NEK7: variants seen among roughly 807,000 people sequenced by gnomAD.
NEK7 encodes NIMA related kinase 7, also known as serine/threonine-protein kinase Nek7.
Under a neutral mutation model 44.6 loss-of-function variants are expected in NEK7, and 18 were observed. The ratio of observed to expected loss-of-function variants is 0.40; its 90% CI spans 0.28 to 0.60. The LOEUF (loss-of-function observed/expected upper bound fraction) is 0.60, where lower values mean the gene tolerates loss of function less well. Among genes scored for constraint, NEK7 ranks in the 20% least tolerant of loss-of-function variants. The probability of loss-of-function intolerance (pLI) is 0.38; values close to 1 mark genes in which losing one functional copy is unlikely to be tolerated. For missense variants in NEK7, 256 were observed against 366.5 expected (o/e 0.70, Z 2.46); for synonymous variants, 130 against 121.1 (o/e 1.07, Z -0.48).
chr1:198,284,158 C>T (rs1352141142), intron 7 of NEK7, among the ~76,000 whole-genome samples: 4 of 152,204 alleles, frequency 2.6e-5, no homozygotes, highest in Non-Finnish European at 5.9e-5. Context: ...ATGAGCTGTT[C>T]GTATTCTAAA....
chr1:198,242,854 G>C (rs1243923318), intron 2 of NEK7, among the ~76,000 whole-genome samples: 1 of 148,504 alleles, frequency 6.7e-6, no homozygotes, highest in African/African-American at 2.5e-5. Context: ...GTAGAGATGG[G>C]TTTTTGCCAT....
intron 1 of NEK7, among the ~76,000 whole-genome samples, chr1:198,170,001 G>GT (rs1479195824): frequency 1.3e-4 from 20 of 152,212 alleles, no homozygotes; most frequent in Non-Finnish European, 2.1e-4. Flanking sequence ...GTAAGGGAAT[G>GT]CCCAGAACAA....
intron 1 of NEK7, among the ~76,000 whole-genome samples, chr1:198,204,637 T>C (rs1343777726): frequency 6.9e-6 from 1 of 144,892 alleles, no homozygotes; most frequent in Non-Finnish European, 1.5e-5. Context: ...GAGAATGGCA[T>C]GAACCCAGGG....
At chr1:198,262,746 T>C (rs1653519870) in intron 4 of NEK7, 109 bp downstream of exon 4, 2 of 518,284 alleles carry the variant, frequency 3.9e-6, no homozygotes, top group Non-Finnish European at 6.8e-6. Flanking sequence ...GCTACACTGA[T>C]TTCAAGTAAT....
chr1:198,308,236 A>G (rs1558104772), intron 9 of NEK7, among the ~76,000 whole-genome samples: 1 of 152,190 alleles, frequency 6.6e-6, no homozygotes, highest in Non-Finnish European at 1.5e-5. Context: ...TGTTTAATAT[A>G]GGTTACAACT....
chr1:198,167,888 G>A (rs975798870), intron 1 of NEK7, among the ~76,000 whole-genome samples: 5 of 152,202 alleles, frequency 3.3e-5, no homozygotes, highest in Non-Finnish European at 5.9e-5. Flanking sequence ...GATAACAAGT[G>A]ACAGGCACTT....
intron 1 of NEK7, among the ~76,000 whole-genome samples, chr1:198,160,874 G>C (rs540789961): frequency 1.3e-5 from 2 of 152,204 alleles, no homozygotes; most frequent in East Asian, 3.9e-4. Context: ...ATTATTCCTA[G>C]GTGTTGTGTA....
chr1:198,266,458 G>A (rs767441211), intron 5 of NEK7, among the ~76,000 whole-genome samples: 3 of 151,970 alleles, frequency 2.0e-5, no homozygotes, highest in Admixed American at 6.6e-5. Context: ...CATCCAGTGG[G>A]AGAAACAGGC....
At chr1:198,224,430 G>T (rs1309444371) in intron 1 of NEK7, among the ~76,000 whole-genome samples, 1 of 152,142 alleles carries the variant, frequency 6.6e-6, no homozygotes, top group Non-Finnish European at 1.5e-5. Context: ...GTTTGTGGAA[G>T]TACACTCCAT....
chr1:198,316,261 T>G (rs1350404646), intron 9 of NEK7, among the ~76,000 whole-genome samples: 1 of 152,218 alleles, frequency 6.6e-6, no homozygotes, highest in African/African-American at 2.4e-5. Context: ...ACATTTCTGA[T>G]GTGACACAGC....
At chr1:198,177,677 A>C (rs573265332) in intron 1 of NEK7, among the ~76,000 whole-genome samples, 2 of 152,130 alleles carry the variant, frequency 1.3e-5, no homozygotes, top group Non-Finnish European at 2.9e-5. Context: ...TATAAAACTT[A>C]TAATCTGAGA....
At chr1:198,313,810 T>C (rs963345059) in intron 9 of NEK7, among the ~76,000 whole-genome samples, 1 of 151,682 alleles carries the variant, frequency 6.6e-6, no homozygotes, top group Non-Finnish European at 1.5e-5. Context: ...AGAGATCCGC[T>C]GTTAGTCTGA....
chr1:198,307,760 C>G (rs1315847677), intron 9 of NEK7, among the ~76,000 whole-genome samples: 1 of 152,140 alleles, frequency 6.6e-6, no homozygotes, highest in Non-Finnish European at 1.5e-5. Flanking sequence ...TCTAGTCACT[C>G]ATGTCTCCTG....
chr1:198,214,938 A>G (rs1665872168), intron 1 of NEK7, among the ~76,000 whole-genome samples: 1 of 152,222 alleles, frequency 6.6e-6, no homozygotes, highest in Non-Finnish European at 1.5e-5. Context: ...CAAAAGCATC[A>G]GGTAACCTAC....
intron 9 of NEK7, among the ~76,000 whole-genome samples, chr1:198,302,284 A>C (rs1192895272): frequency 6.6e-6 from 1 of 152,064 alleles, no homozygotes; most frequent in African/African-American, 2.4e-5. Flanking sequence ...AATACTAATA[A>C]ATATATTTTG....
chr1:198,193,001 C>A (rs1297446758), intron 1 of NEK7, among the ~76,000 whole-genome samples: 2 of 148,646 alleles, frequency 1.3e-5, no homozygotes, highest in East Asian at 3.9e-4. Flanking sequence ...AAAAACTCTT[C>A]AAAAAATCAA....
intron 9 of NEK7, among the ~76,000 whole-genome samples, chr1:198,312,589 G>T (rs1655223741): frequency 1.3e-5 from 2 of 151,770 alleles, no homozygotes; most frequent in South Asian, 2.1e-4. Context: ...GCTATAAATT[G>T]CCCTCTACAC....
intron 6 of NEK7, 73 bp from the exon 7 acceptor site, chr1:198,278,881 A>G: frequency 1.3e-6 from 1 of 757,918 alleles, no homozygotes; most frequent in Non-Finnish European, 2.2e-6. Context: ...CTGTCACGAA[A>G]AGTAGTTGTT....
At chr1:198,164,514 G>A (rs969019765) in intron 1 of NEK7, among the ~76,000 whole-genome samples, 5 of 152,168 alleles carry the variant, frequency 3.3e-5, no homozygotes, top group African/African-American at 1.2e-4. Context: ...GCAATAAAGC[G>A]AGTCAGATGA....
Sources: allele counts gnomAD v4.1 joint callset (sites outside exome capture counted in the v4.1 genomes callset), GRCh38; gene constraint gnomAD v4.1.1; transcripts MANE v1.5; gene names NCBI Gene and HGNC (gene_info 2026-07-23, HGNC 2026-07-21).